The following TAFA4 variants were observed in gnomAD, a reference collection of about 807,000 sequenced individuals.
TAFA4 encodes TAFA chemokine like family member 4.
In TAFA4, 20 loss-of-function variants were observed where a neutral mutation model predicts 21.1. That is an observed-to-expected ratio of 0.95 (90% CI 0.67 to 1.38). The LOEUF is 1.38. Among genes scored for constraint, TAFA4 ranks in the 40% most tolerant of loss-of-function variants. The pLI, the probability that TAFA4 is intolerant of heterozygous loss-of-function variation, is 0.00. For synonymous variants in TAFA4, 71 were observed against 67.4 expected, an observed-to-expected ratio of 1.05 and a Z score of -0.26; for missense variants, 211 against 180.9, an observed-to-expected ratio of 1.17 and a Z score of -0.95.
chr3:68,906,186 A>G (rs1182150175), intron 1 of TAFA4, among the ~76,000 whole-genome samples: 1 of 152,164 alleles, frequency 6.6e-6, no homozygotes, highest in Non-Finnish European at 1.5e-5. Context: ...CGTTCCTCAA[A>G]ATGGCAAAGC....
chr3:68,916,376 T>C (rs1374902545), intron 1 of TAFA4, among the ~76,000 whole-genome samples: 2 of 152,340 alleles, frequency 1.3e-5, no homozygotes, highest in East Asian at 3.9e-4. Flanking sequence ...CATTTGATCC[T>C]TCCCAGAAAT....
intron 3 of TAFA4, among the ~76,000 whole-genome samples, chr3:68,816,023 T>C (rs898274588): frequency 5.3e-5 from 8 of 152,116 alleles, no homozygotes; most frequent in Admixed American, 2.6e-4. Flanking sequence ...TAGGGACATA[T>C]ATGTAGCTGG....
intron 1 of TAFA4, among the ~76,000 whole-genome samples, chr3:68,927,758 C>T (rs1415364224): frequency 1.3e-5 from 2 of 151,820 alleles, no homozygotes; most frequent in East Asian, 1.9e-4. Context: ...ATTAGCTGGG[C>T]GTGATGGTGC....
At chr3:68,857,615 T>C (rs959065847) in intron 3 of TAFA4, among the ~76,000 whole-genome samples, 1 of 152,112 alleles carries the variant, frequency 6.6e-6, no homozygotes, top group African/African-American at 2.4e-5. Flanking sequence ...TGTAAATACA[T>C]ATACATATAT....
chr3:68,865,452 G>A (rs1264632275), intron 3 of TAFA4, among the ~76,000 whole-genome samples: 1 of 151,964 alleles, frequency 6.6e-6, no homozygotes, highest in African/African-American at 2.4e-5. Flanking sequence ...ACAATAGTGA[G>A]TAAGTCTCAC....
intron 3 of TAFA4, among the ~76,000 whole-genome samples, chr3:68,844,928 T>G (rs1704749746): frequency 6.6e-6 from 1 of 152,214 alleles, no homozygotes; most frequent in African/African-American, 2.4e-5. Flanking sequence ...GAGGAGTGTT[T>G]CACTTCCAAT....
chr3:68,754,713 C>T (rs1008706274), intron 3 of TAFA4, among the ~76,000 whole-genome samples: 1 of 152,170 alleles, frequency 6.6e-6, no homozygotes, highest in Non-Finnish European at 1.5e-5. Context: ...CTTTATCAAA[C>T]TGTCACCTAC....
At position 68,890,432 on chromosome 3, in the gene TAFA4, G is replaced by C. The variant is rs184881615; in HGVS notation, c.-122-5122C>G. Among the ~76,000 whole-genome samples the C allele has an allele frequency of 8.2e-4, 125 of 152,274 alleles. 1 individual carries two copies. Among genetic ancestry groups the C allele is most frequent in the Admixed American group, 8.2e-3 (125 of 15,290 alleles). On this transcript the variant is annotated intron_variant, in intron 1 of 5. Coordinates refer to ENST00000295569, the MANE Select transcript of TAFA4 (RefSeq NM_182522.5). ...TTGCCAATTCTAAGCAATAAGGGGA[G>C]TGAAAGTTTGAATGTTGTGGTTAAT... is the stretch of plus-strand genomic sequence containing the variant.
At chr3:68,930,276 A>G (rs936718834) in intron 1 of TAFA4, among the ~76,000 whole-genome samples, 5 of 152,224 alleles carry the variant, frequency 3.3e-5, no homozygotes, top group African/African-American at 4.8e-5. Context: ...TTCAATGAAA[A>G]ATATCCAATA....
At chr3:68,831,910 C>T (rs1448583202) in intron 3 of TAFA4, among the ~76,000 whole-genome samples, 1 of 152,126 alleles carries the variant, frequency 6.6e-6, no homozygotes, top group African/African-American at 2.4e-5. Context: ...CTTGTCTTCT[C>T]ACTTTATTTC....
intron 3 of TAFA4, among the ~76,000 whole-genome samples, chr3:68,801,216 G>A (rs1703571952): frequency 6.6e-6 from 1 of 152,166 alleles, no homozygotes; most frequent in Admixed American, 6.5e-5. Context: ...AGACATGTAG[G>A]TTTCCAAGTG....
At chr3:68,806,207 C>T (rs773622215) in intron 3 of TAFA4, among the ~76,000 whole-genome samples, 7 of 152,098 alleles carry the variant, frequency 4.6e-5, no homozygotes, top group Admixed American at 1.3e-4. Flanking sequence ...ATACTTTCCC[C>T]GAAGTCTGTG....
At chr3:68,896,487 G>C (rs1222583399) in intron 1 of TAFA4, among the ~76,000 whole-genome samples, 1 of 152,208 alleles carries the variant, frequency 6.6e-6, no homozygotes, top group Non-Finnish European at 1.5e-5. Context: ...GTGAATGAAT[G>C]AATGCTTGAG....
intron 3 of TAFA4, among the ~76,000 whole-genome samples, chr3:68,768,622 A>C (rs1344131963): frequency 2.0e-5 from 3 of 152,186 alleles, no homozygotes; most frequent in Non-Finnish European, 4.4e-5. Flanking sequence ...AAATAAAATC[A>C]TATGCCAAAA....
chr3:68,827,537 T>C (rs1575627967), intron 3 of TAFA4, among the ~76,000 whole-genome samples: 1 of 152,194 alleles, frequency 6.6e-6, no homozygotes, highest in Admixed American at 6.5e-5. Context: ...CCACATCCTC[T>C]CCAGCATCTG....
intron 3 of TAFA4, among the ~76,000 whole-genome samples, chr3:68,775,138 AT>A (rs1703025898): frequency 1.3e-5 from 2 of 152,282 alleles, no homozygotes; most frequent in Non-Finnish European, 2.9e-5. Flanking sequence ...AACAACTCAG[AT>A]TTTAGCTATT....
chr3:68,818,825 A>G (rs934779102), intron 3 of TAFA4, among the ~76,000 whole-genome samples: 2 of 152,254 alleles, frequency 1.3e-5, no homozygotes, highest in African/African-American at 2.4e-5. Flanking sequence ...ACAGATCACC[A>G]TAACAGATAA....
At chr3:68,859,170 C>T (rs2089295412) in intron 3 of TAFA4, among the ~76,000 whole-genome samples, 1 of 152,122 alleles carries the variant, frequency 6.6e-6, no homozygotes, top group East Asian at 1.9e-4. Context: ...CTGAGCCAAA[C>T]AAAACATATC....
intron 3 of TAFA4, among the ~76,000 whole-genome samples, chr3:68,870,486 T>C (rs2106936018): frequency 6.6e-6 from 1 of 152,260 alleles, no homozygotes; most frequent in Admixed American, 6.5e-5. Context: ...AACAGCATGG[T>C]ACTAGCATAA....
Sources: allele counts gnomAD v4.1 joint callset (sites outside exome capture counted in the v4.1 genomes callset), GRCh38; gene constraint gnomAD v4.1.1; transcripts MANE v1.5; gene names NCBI Gene and HGNC (gene_info 2026-07-23, HGNC 2026-07-21).